LMNTD1: variants seen among roughly 807,000 people sequenced by gnomAD.
The protein encoded by LMNTD1 is lamin tail domain containing 1.
A neutral mutation model predicts 50.9 loss-of-function variants in LMNTD1; 35 were observed. That is an observed-to-expected ratio of 0.69 (90% CI 0.53 to 0.91). The LOEUF (loss-of-function observed/expected upper bound fraction) is 0.91. Ranked by LOEUF, LMNTD1 falls within the 40% of genes least tolerant of loss-of-function variation. LMNTD1 has a pLI of 0.00. For missense variants in LMNTD1, 470 were observed against 475.5 expected (o/e 0.99, Z 0.11); for synonymous variants, 153 against 161.9 (o/e 0.94, Z 0.42).
chr12:25,618,808 T>A lies in LMNTD1; in HGVS notation c.58+29686A>T, dbSNP rs562023487. 2.0e-5 allele frequency among the ~76,000 whole-genome samples: 3 copies of A among 152,344 alleles called. No individual in the cohort carries two copies. In the East Asian group the frequency reaches 5.8e-4, roughly 29 times the overall value. ...TAAGCCTAAATAAGCTTCAACATCA[T>A]ATTTTGGCTAGTAAAGTACAAAGAT... is the stretch of plus-strand genomic sequence containing the variant. On this transcript the variant is annotated intron_variant, in intron 1 of 7. Transcript: ENST00000445693.
chr12:25,560,970 A>G (rs1372761927), intron 1 of LMNTD1, among the ~76,000 whole-genome samples: 2 of 152,204 alleles, frequency 1.3e-5, no homozygotes, highest in African/African-American at 2.4e-5. Flanking sequence ...CAATCATGTC[A>G]TCTGCAAACA....
At chr12:25,476,595 A>G (rs1938271239) in intron 9 of LMNTD1, 135 bp from the exon 10 acceptor site, 1 of 152,194 alleles carries the variant, frequency 6.6e-6, no homozygotes, top group South Asian at 2.1e-4. Flanking sequence ...TACTCTCTTC[A>G]TTTTACAGAT....
chr12:25,485,271 T>C (rs1176627319), intron 9 of LMNTD1, among the ~76,000 whole-genome samples: 1 of 147,566 alleles, frequency 6.8e-6, no homozygotes, highest in Non-Finnish European at 1.5e-5. Flanking sequence ...GTGAGCATTT[T>C]TTCATGTGTT....
At chr12:25,616,700 A>G (rs959328389) in intron 1 of LMNTD1, among the ~76,000 whole-genome samples, 10 of 152,222 alleles carry the variant, frequency 6.6e-5, no homozygotes, top group Non-Finnish European at 5.9e-5. Context: ...GTTATTTCTT[A>G]AATTGCATAT....
chr12:25,647,201 AT>A (rs1445460303), intron 1 of LMNTD1, among the ~76,000 whole-genome samples: 1 of 152,228 alleles, frequency 6.6e-6, no homozygotes, highest in Admixed American at 6.5e-5. Context: ...TTCTGATAAA[AT>A]TTCTACAATC....
intron 1 of LMNTD1, among the ~76,000 whole-genome samples, chr12:25,642,422 A>G (rs1310525764): frequency 2.0e-5 from 3 of 152,180 alleles, no homozygotes; most frequent in African/African-American, 2.4e-5. Flanking sequence ...ACAGCCATCT[A>G]TGAACCAGAA....
chr12:25,477,730 A>G lies in LMNTD1; in HGVS notation c.*23-1270T>C, dbSNP rs138852300. 2.3e-3 allele frequency among the ~76,000 whole-genome samples: 347 copies of G among 152,220 alleles called. 7 individuals are homozygous for G. In the East Asian group the frequency reaches 0.026, roughly 11 times the overall value. On this transcript the variant is annotated intron_variant, in intron 9 of 9. Coordinates refer to ENST00000458174, the MANE Select transcript of LMNTD1 (RefSeq NM_001145728.2). ...CTGGATTGGGCTATTGTAGTTTCCCATTGACCTTTATCACAGGGCATGGTA... is the reference window on the plus strand; with the variant it reads ...CTGGATTGGGCTATTGTAGTTTCCCGTTGACCTTTATCACAGGGCATGGTA...
At chr12:25,556,931 T>C (rs1944066811), upstream of LMNTD1, among the ~76,000 whole-genome samples, 1 of 152,170 alleles carries the variant, frequency 6.6e-6, no homozygotes, top group African/African-American at 2.4e-5. Flanking sequence ...ATAAAATGTC[T>C]TGTGTGAATG....
chr12:25,576,841 T>C (rs1245472128), intron 1 of LMNTD1, among the ~76,000 whole-genome samples: 1 of 152,172 alleles, frequency 6.6e-6, no homozygotes, highest in Non-Finnish European at 1.5e-5. Flanking sequence ...CATTTAAGTC[T>C]TTAATCCATC....
chr12:25,581,417 T>C lies in LMNTD1; in HGVS notation c.59-34863A>G, dbSNP rs1466383235. ...AAGATGGGTAATGTTATCATAGTTA[T>C]GTTGTTTCTCTGACTCTTTGAACCT... On this transcript the variant is annotated intron_variant, in intron 1 of 7. Coordinates refer to the LMNTD1 transcript ENST00000445693. Among the ~76,000 whole-genome samples, 4 of 152,344 alleles carry C rather than the reference T, an allele frequency of 2.6e-5. No individual in the cohort carries two copies. The South Asian group carries it at 8.3e-4, about 32-fold the overall frequency.
At chr12:25,565,110 A>G (rs754213974) in intron 1 of LMNTD1, among the ~76,000 whole-genome samples, 8 of 151,700 alleles carry the variant, frequency 5.3e-5, no homozygotes, top group Non-Finnish European at 4.4e-5. Context: ...TTTTTAGTCT[A>G]TGTATGTTTT....
At chr12:25,554,139 T>C (rs1943930574), upstream of LMNTD1, among the ~76,000 whole-genome samples, 1 of 152,318 alleles carries the variant, frequency 6.6e-6, no homozygotes, top group South Asian at 2.1e-4. Flanking sequence ...CTTATGAACA[T>C]TATGGGCCAA....
chr12:25,587,907 CACTT>C (rs1393587439), intron 1 of LMNTD1, among the ~76,000 whole-genome samples: 1 of 152,046 alleles, frequency 6.6e-6, no homozygotes, highest in Non-Finnish European at 1.5e-5. Context: ...AAAATTAACT[CACTT>C]ATGTATAATT....
intron 1 of LMNTD1, among the ~76,000 whole-genome samples, chr12:25,606,063 G>A (rs1946093637): frequency 6.6e-6 from 1 of 152,104 alleles, no homozygotes; most frequent in African/African-American, 2.4e-5. Flanking sequence ...CTTGTAAGTT[G>A]GATTCCTAGG....
At chr12:25,588,625 A>G (rs1048071882) in intron 1 of LMNTD1, among the ~76,000 whole-genome samples, 6 of 142,896 alleles carry the variant, frequency 4.2e-5, no homozygotes, top group African/African-American at 1.5e-4. Flanking sequence ...TTCCTTCTAG[A>G]GCAAAAGATG....
intron 9 of LMNTD1, chr12:25,502,821 T>C (rs895822384): frequency 5.9e-5 from 9 of 152,308 alleles, no homozygotes; most frequent in African/African-American, 2.2e-4. Flanking sequence ...AGGGAAAATC[T>C]AGGGAGAGAC....
upstream of LMNTD1, among the ~76,000 whole-genome samples, chr12:25,555,267 A>G (rs574157420): frequency 2.6e-5 from 4 of 152,280 alleles, no homozygotes; most frequent in East Asian, 7.7e-4. Context: ...TTACATCACC[A>G]ATAGCAATAC....
chr12:25,491,893 C>T (rs559108411), intron 9 of LMNTD1, among the ~76,000 whole-genome samples: 1 of 152,160 alleles, frequency 6.6e-6, no homozygotes, highest in African/African-American at 2.4e-5. Context: ...GTAACTTTAG[C>T]AAGCTGGAGT....
At chr12:25,539,359 A>G (rs958611287) in intron 4 of LMNTD1, among the ~76,000 whole-genome samples, 2 of 152,208 alleles carry the variant, frequency 1.3e-5, no homozygotes, top group Non-Finnish European at 2.9e-5. Flanking sequence ...AAGAACAGAC[A>G]TTATGACAAA....
Sources: gnomAD v4.1 joint callset for allele counts (sites outside exome capture counted in the v4.1 genomes callset) on GRCh38, gnomAD v4.1.1 for gene constraint, MANE v1.5 for transcripts, NCBI Gene and HGNC (gene_info 2026-07-23, HGNC 2026-07-21) for gene names.